ATXN7: variants seen among roughly 807,000 people sequenced by gnomAD.
ATXN7 encodes ataxin 7.
In ATXN7, 12 loss-of-function variants were observed where a neutral mutation model predicts 70.5. The observed-to-expected ratio is 0.17, with a 90% CI of 0.11 to 0.28. The LOEUF (loss-of-function observed/expected upper bound fraction) is 0.28. ATXN7 is among the 10% of genes least tolerant of loss of function. ATXN7 has a pLI of 1.00. For missense variants in ATXN7, 1,256 were observed against 1,131.7 expected, an observed-to-expected ratio of 1.11 and a Z score of -1.58; for synonymous variants, 498 against 448.7, an observed-to-expected ratio of 1.11 and a Z score of -1.39.
chr3:63,912,611 G>T lies in ATXN7; in HGVS notation c.13G>T (p.Ala5Ser). The T allele has an allele frequency of 9.1e-7, 1 of 1,097,314 alleles. No individual in the cohort carries two copies. The highest frequency in any genetic ancestry group is 2.6e-5 in the South Asian group (1 of 38,234). The allele number at this position is 1,097,314 out of a possible 1,614,324, so 68.0% of individuals were successfully genotyped here. Residue 5 changes from alanine (A) to serine (S), a missense_variant, in exon 3 of 13, where the codon GCC (alanine) becomes TCC (serine). Transcript: ENST00000674280. MSERAADDVRGEPRR... is the reference protein window; with the variant it reads MSERSADDVRGEPRR... ...AGGAGCGGAAAGAATGTCGGAGCGG[G>T]CCGCGGATGACGTCAGGGGGGAGCC...
At chr3:63,973,010 T>G (rs1011843859) in intron 5 of ATXN7, among the ~76,000 whole-genome samples, 1 of 152,160 alleles carries the variant, frequency 6.6e-6, no homozygotes, top group African/African-American at 2.4e-5. Flanking sequence ...CACAGTAGGC[T>G]CTGTGCTGCA....
At position 63,995,896 on chromosome 3, in the gene ATXN7, T is replaced by G. The variant is rs2075750756; in HGVS notation, c.2074T>G (p.Cys692Gly). 6.2e-7 allele frequency: 1 copy of G among 1,614,110 alleles called. No individual in the cohort carries two copies. Among genetic ancestry groups the G allele is most frequent in the African/African-American group, 1.3e-5 (1 of 74,934 alleles). The change falls in exon 12 of 13, where the codon TGT (cysteine) becomes GGT (glycine). Residue 692 changes from cysteine to glycine, a missense_variant. Transcript: ENST00000674280. ...PKESSGNSTN[C>G]QNASSSTSGG... ...GGAGTCTTCTGGTAACAGCACTAAC[T>G]GTCAAAATGCCAGTAGCAGTACCAG...
chr3:63,900,232 T>C (rs945549990), intron 2 of ATXN7, among the ~76,000 whole-genome samples: 1 of 152,242 alleles, frequency 6.6e-6, no homozygotes, highest in Non-Finnish European at 1.5e-5. Flanking sequence ...TTTCAGCCTC[T>C]GGAATCAACT....
rs952949407 is a variant in ATXN7 at position 63,988,123 on chromosome 3, C to T, written c.1160C>T (p.Ala387Val). Residue 387 changes from alanine (A) to valine (V), a missense_variant, in exon 9 of 13, where the codon GCC (alanine) becomes GTC (valine). Physicochemically the swap from Ala to Val is moderately conservative, Grantham distance 64 (BLOSUM62 0). Transcript: ENST00000674280. Reference sequence around the variant, plus strand: ...AGAAAACGATTTGATGTGTTATTAGCCGAGCACAAAAACAAAACCAGGGAA... The same window carrying T: ...AGAAAACGATTTGATGTGTTATTAGTCGAGCACAAAAACAAAACCAGGGAA... ...GRRKRFDVLL[A>V]EHKNKTREKE... is the part of the protein sequence containing the mutation. 1.4e-5 allele frequency: 22 copies of T among 1,614,002 alleles called. No individual in the cohort carries two copies. Among genetic ancestry groups the T allele is most frequent in the Non-Finnish European group, 1.9e-5 (22 of 1,180,036 alleles).
chr3:63,957,370 C>CTAG (rs2075057217), intron 5 of ATXN7, among the ~76,000 whole-genome samples: 1 of 152,220 alleles, frequency 6.6e-6, no homozygotes, highest in Non-Finnish European at 1.5e-5. Flanking sequence ...CAGCTTGAGT[C>CTAG]TCTAAGCAGG....
chr3:63,919,064 T>C (rs1326158332), intron 4 of ATXN7, among the ~76,000 whole-genome samples: 1 of 152,148 alleles, frequency 6.6e-6, no homozygotes, highest in East Asian at 1.9e-4. Context: ...CAGGGACTTT[T>C]CCCCAGTTGC....
intron 4 of ATXN7, among the ~76,000 whole-genome samples, chr3:63,929,045 G>A (rs1290539039): frequency 6.6e-6 from 1 of 152,098 alleles, no homozygotes; most frequent in Admixed American, 6.5e-5. Flanking sequence ...TAGAATGCAT[G>A]GTGGAGAAAT....
intron 2 of ATXN7, among the ~76,000 whole-genome samples, chr3:63,900,128 GA>G: frequency 6.6e-6 from 1 of 152,232 alleles, no homozygotes; most frequent in East Asian, 1.9e-4. Flanking sequence ...TCCTACTTCT[GA>G]AAGGAATGAG....
chr3:63,917,895 T>C (rs2107310943), intron 4 of ATXN7, among the ~76,000 whole-genome samples: 1 of 152,330 alleles, frequency 6.6e-6, no homozygotes, highest in East Asian at 1.9e-4. Context: ...TTTGTGTGTT[T>C]AGGGGGTGTT....
In ATXN7 at chr3:64,000,883, C is replaced by T. The variant is rs910017337; in HGVS notation, c.*1416C>T. Reference sequence around the variant, plus strand: ...GGTGTCATTGAATTCCGGGACGAGCCGGAGCCTTTAAATGGGTGCTTCCAC... The same window carrying T: ...GGTGTCATTGAATTCCGGGACGAGCTGGAGCCTTTAAATGGGTGCTTCCAC... On this transcript the variant is annotated 3_prime_UTR_variant, in exon 13 of 13. Coordinates refer to ENST00000674280, the MANE Select transcript of ATXN7 (RefSeq NM_001377405.1). 3 of 144,772 alleles carry T rather than the reference C, an allele frequency of 2.1e-5. No individual in the cohort carries two copies. Among genetic ancestry groups the T allele is most frequent in the Admixed American group, 7.4e-5 (1 of 13,462 alleles). 9.0% of individuals were successfully genotyped at this position (144,772 alleles called of 1,614,324 possible). A position where few individuals can be genotyped will look rare whatever the true frequency, so the allele number is the denominator to read the frequency against.
At chr3:63,928,173 C>CGTGA (rs1405357748) in intron 4 of ATXN7, among the ~76,000 whole-genome samples, 1 of 152,164 alleles carries the variant, frequency 6.6e-6, no homozygotes, top group African/African-American at 2.4e-5. Context: ...CAGTGGCTCA[C>CGTGA]GCCTGTAATC....
intron 4 of ATXN7, among the ~76,000 whole-genome samples, chr3:63,924,274 C>A (rs1704617479): frequency 6.6e-6 from 1 of 152,112 alleles, no homozygotes; most frequent in African/African-American, 2.4e-5. Context: ...TGATTTTGGC[C>A]ACACTGCTTT....
chr3:63,970,993 C>A (rs964238830), intron 5 of ATXN7, among the ~76,000 whole-genome samples: 1 of 152,198 alleles, frequency 6.6e-6, no homozygotes, highest in Non-Finnish European at 1.5e-5. Context: ...AAATGACTCT[C>A]TTTTCTGCAC....
chr3:63,991,034 T>A, intron 11 of ATXN7, 175 bp downstream of exon 11: 5 of 847,492 alleles, frequency 5.9e-6, no homozygotes, highest in Non-Finnish European at 7.2e-6. Flanking sequence ...ACCCCACAAC[T>A]ACATATTGTT....
chr3:63,885,807 A>C (rs1401477973), intron 1 of ATXN7, among the ~76,000 whole-genome samples: 1 of 152,150 alleles, frequency 6.6e-6, no homozygotes, highest in Non-Finnish European at 1.5e-5. Flanking sequence ...ATTTGAGACC[A>C]GGAGTTCAAC....
chr3:63,981,072 G>A (rs887415504), intron 6 of ATXN7, among the ~76,000 whole-genome samples: 1 of 152,176 alleles, frequency 6.6e-6, no homozygotes, highest in African/African-American at 2.4e-5. Context: ...CCTGCTTTTG[G>A]AGGGTATAGC....
intron 1 of ATXN7, among the ~76,000 whole-genome samples, chr3:63,881,303 G>C (rs1702901072): frequency 6.6e-6 from 1 of 152,102 alleles, no homozygotes; most frequent in African/African-American, 2.4e-5. Context: ...AGTAGGTTTG[G>C]AATCTCCTAA....
intron 4 of ATXN7, among the ~76,000 whole-genome samples, chr3:63,914,941 G>C (rs1187422933): frequency 3.9e-5 from 6 of 152,138 alleles, no homozygotes; most frequent in Non-Finnish European, 7.4e-5. Context: ...TTTTGAGACG[G>C]AGTCTCACTC....
At chr3:63,967,821 A>T in intron 5 of ATXN7, 1 of 1,519,276 alleles carries the variant, frequency 6.6e-7, no homozygotes, top group Non-Finnish European at 8.8e-7. Flanking sequence ...AAGCCCAAAC[A>T]TGGAGCATAT....
Sources: gnomAD v4.1 joint callset for allele counts (sites outside exome capture counted in the v4.1 genomes callset) on GRCh38, gnomAD v4.1.1 for gene constraint, MANE v1.5 for transcripts, NCBI Gene and HGNC (gene_info 2026-07-23, HGNC 2026-07-21) for gene names.